Variants in KCTD7 observed in about 807,000 individuals in gnomAD.
The protein encoded by KCTD7 is BTB/POZ domain-containing protein KCTD7.
In KCTD7, 15 loss-of-function variants were observed where a neutral mutation model predicts 27.0. The ratio of observed to expected loss-of-function variants is 0.56; its 90% CI spans 0.37 to 0.86. The LOEUF (loss-of-function observed/expected upper bound fraction) is 0.86. KCTD7 is among the 40% of genes least tolerant of loss of function. KCTD7 has a pLI of 0.00. For missense variants in KCTD7, 299 were observed against 398.9 expected (o/e 0.75, Z 2.13); for synonymous variants, 159 against 162.7 (o/e 0.98, Z 0.17).
At position 66,639,792 on chromosome 7, in the gene KCTD7, G is replaced by T; in HGVS notation, c.*560G>T. 1 of 1,250,164 alleles carries T rather than the reference G, an allele frequency of 8.0e-7. No individual in the cohort carries two copies. The highest frequency in any genetic ancestry group is 1.0e-6 in the Non-Finnish European group (1 of 998,632). 77.4% of individuals were successfully genotyped at this position (1,250,164 alleles called of 1,614,324 possible). ...GAATAGTTGCCCACATTCCCAAAAT[G>T]TGGAAAGACTTTTCTTTTCCTTCCG... On this transcript the variant is annotated 3_prime_UTR_variant, in exon 4 of 4. Coordinates refer to ENST00000639828, the MANE Select transcript of KCTD7 (RefSeq NM_153033.5).
At chr7:66,632,774 T>C (rs543366334) in intron 1 of KCTD7, among the ~76,000 whole-genome samples, 197 of 151,924 alleles carry the variant, frequency 1.3e-3, no homozygotes, top group Non-Finnish European at 2.0e-3. Flanking sequence ...CCAGGCACAG[T>C]GGCTCATGCC....
In KCTD7 at chr7:66,642,268, G is replaced by C; in HGVS notation, c.*3036G>C. On this transcript the variant is annotated 3_prime_UTR_variant, in exon 4 of 4. Coordinates refer to ENST00000639828, the MANE Select transcript of KCTD7 (RefSeq NM_153033.5). ...TCATCACCTTCCTTATTTTACCTCTGCCTTGTTCACCAGGCTGCCCAGTGC... is the reference window on the plus strand; with the variant it reads ...TCATCACCTTCCTTATTTTACCTCTCCCTTGTTCACCAGGCTGCCCAGTGC... 1.0e-6 allele frequency: 1 copy of C among 985,386 alleles called. No individual in the cohort carries two copies. Among genetic ancestry groups the C allele is most frequent in the Non-Finnish European group, 1.2e-6 (1 of 829,914 alleles). The allele number at this position is 985,386 out of a possible 1,614,324, so 61.0% of individuals were successfully genotyped here.
chr7:66,632,214 G>A (rs1786463310), intron 1 of KCTD7, among the ~76,000 whole-genome samples: 1 of 150,744 alleles, frequency 6.6e-6, no homozygotes. Flanking sequence ...CAGGCCGGGC[G>A]TGGTGGCTCA....
At position 66,642,427 on chromosome 7, in the gene KCTD7, G is replaced by T; in HGVS notation, c.*3195G>T. 1 of 985,428 alleles carries T rather than the reference G, an allele frequency of 1.0e-6. No individual in the cohort carries two copies. The highest frequency in any genetic ancestry group is 1.7e-5 in the African/African-American group (1 of 57,344). 61.0% of individuals were successfully genotyped at this position (985,428 alleles called of 1,614,324 possible). On this transcript the variant is annotated 3_prime_UTR_variant, in exon 4 of 4. Coordinates refer to ENST00000639828, the MANE Select transcript of KCTD7 (RefSeq NM_153033.5). ...TGATATAATCTTCCTGTTCTGGGCT[G>T]CTTGCTGGAGGAATAGGAAGTGACA...
intron 2 of KCTD7, among the ~76,000 whole-genome samples, chr7:66,636,197 C>G (rs1562648704): frequency 6.6e-6 from 1 of 152,142 alleles, no homozygotes; most frequent in African/African-American, 2.4e-5. Flanking sequence ...TAGCGTCCAC[C>G]GTGAAGGCTG....
chr7:66,635,424 T>C (rs1342096342), intron 2 of KCTD7, among the ~76,000 whole-genome samples: 1 of 152,200 alleles, frequency 6.6e-6, no homozygotes, highest in Non-Finnish European at 1.5e-5. Flanking sequence ...AGGGGTTCCA[T>C]GTTTGTGAAA....
At chr7:66,630,434 TAAAG>T (rs1006947668) in intron 1 of KCTD7, among the ~76,000 whole-genome samples, 8 of 151,676 alleles carry the variant, frequency 5.3e-5, no homozygotes, top group Admixed American at 2.6e-4. Flanking sequence ...AAATAAAAAA[TAAAG>T]AGGAGGGAAG....
chr7:66,640,011 G>C lies in KCTD7; in HGVS notation c.*779G>C. The stretch of plus-strand genomic sequence containing the variant: ...GCAAATTTCAGAGGCTTCTTTTGAA[G>C]ATTCCCCAAGTCAAGCAGGCAAGAT... On this transcript the variant is annotated 3_prime_UTR_variant, in exon 4 of 4. Coordinates refer to ENST00000639828, the MANE Select transcript of KCTD7 (RefSeq NM_153033.5). 8.0e-7 allele frequency: 1 copy of C among 1,256,332 alleles called. No individual in the cohort carries two copies. The allele number at this position is 1,256,332 out of a possible 1,614,324, so 77.8% of individuals were successfully genotyped here. A position where few individuals can be genotyped will look rare whatever the true frequency, so the allele number is the denominator to read the frequency against.
Position 66,631,769 on chromosome 7 carries a change from T to C in KCTD7, c.145-1506T>C, listed in dbSNP as rs184796456. ...AGCTTCTTAGGGCACATTTATACCATCATTTTCATGTTCCTCACTCAGCCC... is the reference window on the plus strand; with the variant it reads ...AGCTTCTTAGGGCACATTTATACCACCATTTTCATGTTCCTCACTCAGCCC... On this transcript the variant is annotated intron_variant, in intron 1 of 3. Transcript: ENST00000639828. 4.7e-3 allele frequency among the ~76,000 whole-genome samples: 711 copies of C among 151,830 alleles called. 3 individuals are homozygous for C. The highest frequency in any genetic ancestry group is 7.0e-3 in the Non-Finnish European group (474 of 67,998).
At chr7:66,637,816 T>C (rs560727490) in intron 2 of KCTD7, among the ~76,000 whole-genome samples, 169 of 152,280 alleles carry the variant, frequency 1.1e-3, no homozygotes, top group African/African-American at 3.7e-3. Flanking sequence ...GGTATATTCA[T>C]ACTTAAAAAA....
chr7:66,635,232 G>A (rs1237940134), intron 2 of KCTD7, among the ~76,000 whole-genome samples: 1 of 151,870 alleles, frequency 6.6e-6, no homozygotes, highest in Non-Finnish European at 1.5e-5. Context: ...GGATGTTCTC[G>A]AACACCTGGA....
Position 66,629,206 on chromosome 7 carries a change from G to A in KCTD7, c.142G>A (p.Glu48Lys). ...AGHALPLLPQ[E>K]FPEVVPLNIG... ...GCACGCGCTGCCCCTGCTGCCACAG[G>A]AGGTACCCGGGCGGGCGGCGGGCCG... is the stretch of plus-strand genomic sequence containing the variant. The change falls in exon 1 of 4, where the codon GAG (glutamate) becomes AAG (lysine). Residue 48 changes from glutamate to lysine, a missense_variant and splice_region_variant. Physicochemically the swap from Glu to Lys is moderately conservative, Grantham distance 56 (BLOSUM62 1). Transcript: ENST00000639828. 1 of 1,409,362 alleles carries A rather than the reference G, an allele frequency of 7.1e-7. No individual in the cohort carries two copies. The highest frequency in any genetic ancestry group is 1.6e-5 in the South Asian group (1 of 63,546). 87.3% of individuals were successfully genotyped at this position (1,409,362 alleles called of 1,614,324 possible).
chr7:66,632,757 CAG>C (rs953719184), intron 1 of KCTD7, among the ~76,000 whole-genome samples: 34 of 151,880 alleles, frequency 2.2e-4, no homozygotes, highest in African/African-American at 2.4e-4. Flanking sequence ...TAAAAGCTAT[CAG>C]GGGGCCAGGC....
Position 66,639,655 on chromosome 7 carries a change from A to G in KCTD7, c.*423A>G, listed in dbSNP as rs1786668670. The G allele has an allele frequency of 1.5e-6, 2 of 1,310,210 alleles. No homozygotes were observed. The highest frequency in any genetic ancestry group is 2.2e-5 in the South Asian group (1 of 45,836). The allele number at this position is 1,310,210 out of a possible 1,614,324, so 81.2% of individuals were successfully genotyped here. ...CAAGCGTCCCTCCCTTGTGCTCAGT[A>G]TATTGGTGTGAACACGGAACATGAT... On this transcript the variant is annotated 3_prime_UTR_variant, in exon 4 of 4. Transcript: ENST00000639828.
rs1414229869 is a variant in KCTD7, at chr7:66,639,337, G to A, written c.*105G>A. The A allele has an allele frequency of 1.5e-5, 24 of 1,584,770 alleles. No homozygotes were observed. Among genetic ancestry groups the A allele is most frequent in the East Asian group, 2.3e-5 (1 of 44,218 alleles). On this transcript the variant is annotated 3_prime_UTR_variant, in exon 4 of 4. Coordinates refer to ENST00000639828, the MANE Select transcript of KCTD7 (RefSeq NM_153033.5). ...GCTGCTGACTGCCCCAGAATCTGCC[G>A]AGGTGAGAACAGCATCCTGAGGCAC...
chr7:66,630,607 A>C (rs1456095399), intron 1 of KCTD7, among the ~76,000 whole-genome samples: 1 of 152,210 alleles, frequency 6.6e-6, no homozygotes, highest in Admixed American at 6.6e-5. Flanking sequence ...TGGGAAGCAG[A>C]TAGTGTTGTG....
chr7:66,639,757 T>C lies in KCTD7; in HGVS notation c.*525T>C, dbSNP rs529197075. On this transcript the variant is annotated 3_prime_UTR_variant, in exon 4 of 4. Coordinates refer to ENST00000639828, the MANE Select transcript of KCTD7 (RefSeq NM_153033.5). Reference sequence around the variant, plus strand: ...GCATCTTCTCTCCCACTGCACCCCTTCTCCTCCAAGAATAGTTGCCCACAT... The same window carrying C: ...GCATCTTCTCTCCCACTGCACCCCTCCTCCTCCAAGAATAGTTGCCCACAT... 2 of 1,249,782 alleles carry C rather than the reference T, an allele frequency of 1.6e-6. No homozygotes were observed. Among genetic ancestry groups the C allele is most frequent in the Admixed American group, 3.8e-5 (1 of 26,656 alleles). The allele number at this position is 1,249,782 out of a possible 1,614,324, so 77.4% of individuals were successfully genotyped here.
rs974095274 is a variant in KCTD7 at position 66,639,624 on chromosome 7, C to T, written c.*392C>T. On this transcript the variant is annotated 3_prime_UTR_variant, in exon 4 of 4. Coordinates refer to ENST00000639828, the MANE Select transcript of KCTD7 (RefSeq NM_153033.5). Reference sequence around the variant, plus strand: ...ATGTAGGCCTAATCACTTCCTCAACCCTGTTCAAGCGTCCCTCCCTTGTGC... The same window carrying T: ...ATGTAGGCCTAATCACTTCCTCAACTCTGTTCAAGCGTCCCTCCCTTGTGC... 2 of 1,341,010 alleles carry T rather than the reference C, an allele frequency of 1.5e-6. No individual in the cohort carries two copies. Among genetic ancestry groups the T allele is most frequent in the Non-Finnish European group, 1.9e-6 (2 of 1,042,546 alleles). 83.1% of individuals were successfully genotyped at this position (1,341,010 alleles called of 1,614,324 possible).
chr7:66,635,212 A>G (rs558785747), intron 2 of KCTD7, among the ~76,000 whole-genome samples: 25 of 151,956 alleles, frequency 1.6e-4, no homozygotes, highest in South Asian at 6.2e-4. Context: ...AGGTTTCACT[A>G]TGTTGGCCAG....
Sources: gnomAD v4.1 joint callset for allele counts (sites outside exome capture counted in the v4.1 genomes callset) on GRCh38, gnomAD v4.1.1 for gene constraint, MANE v1.5 for transcripts, NCBI Gene and HGNC (gene_info 2026-07-23, HGNC 2026-07-21) for gene names.